TMTC2: variants seen among roughly 807,000 people sequenced by gnomAD.
TMTC2 encodes transmembrane O-mannosyltransferase targeting cadherins 2.
In TMTC2, 43 loss-of-function variants were observed where a neutral mutation model predicts 82.4. The observed-to-expected ratio is 0.52, with a 90% CI of 0.41 to 0.67. TMTC2 has a LOEUF of 0.67. Ranked by LOEUF, TMTC2 falls within the 30% of genes least tolerant of loss-of-function variation. The probability of loss-of-function intolerance (pLI) is 0.00; values close to 1 mark genes in which losing one functional copy is unlikely to be tolerated. For missense variants in TMTC2, 919 were observed against 1,012.4 expected (o/e 0.91, Z 1.25); for synonymous variants, 408 against 381.9 (o/e 1.07, Z -0.80).
chr12:82,832,058 T>C (rs1032616674), intron 1 of TMTC2, among the ~76,000 whole-genome samples: 1 of 152,190 alleles, frequency 6.6e-6, no homozygotes. Flanking sequence ...ACGTTTTATC[T>C]GTGAAATAGC....
rs566272168 is a variant in TMTC2 at position 83,024,030 on chromosome 12, A to G, written c.2071-6768A>G. 6.8e-4 allele frequency among the ~76,000 whole-genome samples: 104 copies of G among 152,336 alleles called. 1 individual carries two copies. The highest frequency in any genetic ancestry group is 2.4e-3 in the African/African-American group (100 of 41,584). On this transcript the variant is annotated intron_variant, in intron 8 of 11. Transcript: ENST00000321196. ...TATTTATGATGTTGTAATGTTCTAT[A>G]GCAGAATATGGTGACTGTACTTAAC...
rs190535857 is a variant in TMTC2, at chr12:82,711,174, G to A, written c.83+23505G>A. ...AAAGATTTCTTGGGCTTTCACCTCT[G>A]TAAACTTGAGGAGTTTGGCTAAGTC... On this transcript the variant is annotated intron_variant, in intron 1 of 11. Coordinates refer to ENST00000321196, the MANE Select transcript of TMTC2 (RefSeq NM_152588.3). Among the ~76,000 whole-genome samples the A allele has an allele frequency of 1.5e-3, 221 of 152,308 alleles. 2 individuals are homozygous for A. The highest frequency in any genetic ancestry group is 5.1e-3 in the African/African-American group (214 of 41,568).
intron 4 of TMTC2, among the ~76,000 whole-genome samples, chr12:82,947,381 C>T (rs1452189130): frequency 1.4e-5 from 2 of 138,956 alleles, no homozygotes; most frequent in Non-Finnish European, 3.0e-5. Context: ...TCGCTCTTGT[C>T]GCCCAGGCTG....
chr12:82,810,279 C>T (rs1879432864), intron 1 of TMTC2, among the ~76,000 whole-genome samples: 1 of 150,456 alleles, frequency 6.6e-6, no homozygotes, highest in African/African-American at 2.4e-5. Flanking sequence ...TTTTTATTTT[C>T]TTTAAAATAT....
At chr12:82,971,501 C>T (rs1051786568) in intron 7 of TMTC2, among the ~76,000 whole-genome samples, 2 of 151,846 alleles carry the variant, frequency 1.3e-5, no homozygotes, top group African/African-American at 4.8e-5. Flanking sequence ...TTAAGCATTG[C>T]TTTTGAATAA....
intron 1 of TMTC2, among the ~76,000 whole-genome samples, chr12:82,720,157 C>A (rs1441833719): frequency 1.3e-5 from 2 of 152,118 alleles, no homozygotes; most frequent in African/African-American, 2.4e-5. Flanking sequence ...ACTGTCTCTA[C>A]AATGATTAGA....
intron 1 of TMTC2, among the ~76,000 whole-genome samples, chr12:82,852,680 G>T (rs1358311048): frequency 6.6e-6 from 1 of 152,062 alleles, no homozygotes; most frequent in Non-Finnish European, 1.5e-5. Context: ...TTCTATTTTG[G>T]ACTCATAGAA....
At chr12:83,083,816 C>T (rs747014988) in intron 11 of TMTC2, among the ~76,000 whole-genome samples, 3 of 152,158 alleles carry the variant, frequency 2.0e-5, no homozygotes, top group Non-Finnish European at 4.4e-5. Flanking sequence ...CACAAGACAG[C>T]AGTCTTTTAC....
At chr12:82,746,397 G>A (rs1875693014) in intron 1 of TMTC2, among the ~76,000 whole-genome samples, 1 of 152,122 alleles carries the variant, frequency 6.6e-6, no homozygotes, top group Non-Finnish European at 1.5e-5. Flanking sequence ...TGTCTACTGG[G>A]AAGTATTTCA....
intron 1 of TMTC2, among the ~76,000 whole-genome samples, chr12:82,840,281 A>G (rs1395115161): frequency 6.6e-6 from 1 of 152,232 alleles, no homozygotes; most frequent in African/African-American, 2.4e-5. Context: ...AATGATTTCA[A>G]TCAAAATTTG....
chr12:82,694,863 G>A (rs1465644445), intron 1 of TMTC2, among the ~76,000 whole-genome samples: 2 of 151,802 alleles, frequency 1.3e-5, no homozygotes, highest in African/African-American at 4.8e-5. Context: ...ATTGCCTTGC[G>A]GTAACGGAAT....
intron 1 of TMTC2, among the ~76,000 whole-genome samples, chr12:82,821,068 A>C (rs1433135547): frequency 6.6e-6 from 1 of 152,054 alleles, no homozygotes; most frequent in African/African-American, 2.4e-5. Context: ...GATGTTGTCA[A>C]GGCTGGTCTT....
intron 2 of TMTC2, among the ~76,000 whole-genome samples, chr12:82,867,830 T>C (rs539116420): frequency 2.4e-4 from 36 of 152,204 alleles, no homozygotes; most frequent in South Asian, 8.3e-4. Context: ...CATGACATAT[T>C]GTAATAAAAG....
chr12:83,105,914 T>C (rs1023738197), intron 11 of TMTC2, among the ~76,000 whole-genome samples: 7 of 151,990 alleles, frequency 4.6e-5, no homozygotes, highest in Admixed American at 3.9e-4. Context: ...TCAGCAGAAA[T>C]AAAGTTTAAA....
chr12:82,894,630 C>G (rs766279683), intron 2 of TMTC2, among the ~76,000 whole-genome samples: 2 of 152,002 alleles, frequency 1.3e-5, no homozygotes, highest in Non-Finnish European at 2.9e-5. Flanking sequence ...CCATTTTAAC[C>G]CTTCCTGGTC....
intron 10 of TMTC2, among the ~76,000 whole-genome samples, chr12:83,053,007 C>T (rs1419410438): frequency 6.6e-6 from 1 of 152,086 alleles, no homozygotes; most frequent in Non-Finnish European, 1.5e-5. Flanking sequence ...TTCTGTTTTT[C>T]ACCTCTGTCA....
intron 11 of TMTC2, among the ~76,000 whole-genome samples, chr12:83,128,295 G>T (rs1290724216): frequency 6.6e-6 from 1 of 151,988 alleles, no homozygotes; most frequent in African/African-American, 2.4e-5. Flanking sequence ...ATTAGAGTTA[G>T]GTAGACTTTG....
chr12:82,736,315 T>TA (rs773662900), intron 1 of TMTC2, among the ~76,000 whole-genome samples: 9 of 151,198 alleles, frequency 6.0e-5, no homozygotes, highest in East Asian at 1.9e-4. Context: ...TGATTAACTT[T>TA]AAAAAAAAAC....
At position 83,050,926 on chromosome 12, in the gene TMTC2, T is replaced by G. The variant is rs1394884351; in HGVS notation, c.2175T>G (p.Ala725=). ...CAGGTCAGTTTCTTCTGGAAGAAGCTCGTCTCATAGAAGCAGCTGAGATGG... is the reference window on the plus strand; with the variant it reads ...CAGGTCAGTTTCTTCTGGAAGAAGCGCGTCTCATAGAAGCAGCTGAGATGG... The part of the protein sequence containing the change: ...MHYGQFLLEE[A]RLIEAAEMAK... The change falls in exon 10 of 12, where the codon GCT becomes GCG. Residue 725 remains alanine (A), a synonymous_variant. Coordinates refer to ENST00000321196, the MANE Select transcript of TMTC2 (RefSeq NM_152588.3). The G allele has an allele frequency of 6.2e-7, 1 of 1,612,934 alleles. No homozygotes were observed. The highest frequency in any genetic ancestry group is 8.5e-7 in the Non-Finnish European group (1 of 1,179,362).
Sources: allele counts gnomAD v4.1 joint callset (sites outside exome capture counted in the v4.1 genomes callset), GRCh38; gene constraint gnomAD v4.1.1; transcripts MANE v1.5; gene names NCBI Gene and HGNC (gene_info 2026-07-23, HGNC 2026-07-21).